Variants in DMD observed in about 807,000 individuals in gnomAD.
DMD encodes the protein dystrophin, also known as mutant dystrophin.
A neutral mutation model predicts 330.1 loss-of-function variants in DMD; 63 were observed. The observed-to-expected ratio is 0.19, with a 90% CI of 0.16 to 0.24. The LOEUF (loss-of-function observed/expected upper bound fraction) is 0.24. Among genes scored for constraint, DMD ranks in the 10% least tolerant of loss-of-function variants. DMD has a pLI of 1.00. For missense variants in DMD, 3,344 were observed against 2,684.1 expected, an observed-to-expected ratio of 1.25 and a Z score of -5.43; for synonymous variants, 1,223 against 959.8, an observed-to-expected ratio of 1.27 and a Z score of -5.07.
At chrX:31,867,267 T>C (rs1274096067) in intron 48 of DMD, among the ~76,000 whole-genome samples, 3 of 109,908 alleles carry the variant, frequency 2.7e-5, no homozygotes, top group East Asian at 5.7e-4. Context: ...CTTATCAGAA[T>C]AAGTACCTGT....
At chrX:33,191,075 G>A (rs766094348) in intron 1 of DMD, among the ~76,000 whole-genome samples, 4 of 84,571 alleles carry the variant, frequency 4.7e-5, no homozygotes, top group Non-Finnish European at 9.3e-5. Flanking sequence ...TTGATGATTT[G>A]CTCTCTACTA....
chrX:31,336,417 C>G (rs1245257591), intron 61 of DMD, among the ~76,000 whole-genome samples: 1 of 112,085 alleles, frequency 8.9e-6, no homozygotes, highest in Non-Finnish European at 1.9e-5. Flanking sequence ...GTGATCCCAC[C>G]ATTTCTGTTG....
At position 31,932,177 on chromosome X, in the gene DMD, T is replaced by G. The variant is rs1180468756; in HGVS notation, c.6665A>C (p.Glu2222Ala). 5 of 1,189,008 alleles carry G rather than the reference T, an allele frequency of 4.2e-6. No individual in the cohort carries two copies. In the African/African-American group the frequency reaches 7.0e-5, roughly 17 times the overall value. ...TGCTTCCTCCAACCATAAAACAAAT[T>G]CATTTAAATCTCTTTGAAATTCTGA... ...ILSEFQRDLN[E>A]FVLWLEEADN... is the part of the protein sequence containing the mutation. The change falls in exon 46 of 79, where the codon GAA becomes GCA. Residue 2222 changes from glutamate (E) to alanine (A), a missense_variant. By Grantham distance (107) the Glu-to-Ala change is moderately radical (BLOSUM62 -1). Transcript: ENST00000357033.
intron 7 of DMD, among the ~76,000 whole-genome samples, chrX:32,788,363 A>T (rs1010285960): frequency 9.0e-6 from 1 of 111,609 alleles, no homozygotes; most frequent in African/African-American, 3.3e-5. Context: ...CATGTCAAGT[A>T]AACCACACTG....
intron 7 of DMD, among the ~76,000 whole-genome samples, chrX:32,731,882 C>T (rs2067717832): frequency 1.8e-5 from 2 of 112,163 alleles, no homozygotes; most frequent in Admixed American, 1.9e-4. Flanking sequence ...AACACAGTTC[C>T]TCACTAGCAA....
At chrX:32,453,527 A>C (rs914167966) in intron 26 of DMD, among the ~76,000 whole-genome samples, 1 of 111,151 alleles carries the variant, frequency 9.0e-6, no homozygotes, top group African/African-American at 3.3e-5. Flanking sequence ...TAACTATAAT[A>C]GATATTTCTG....
At chrX:32,416,845 T>C (rs2147984927) in intron 29 of DMD, among the ~76,000 whole-genome samples, 1 of 111,696 alleles carries the variant, frequency 9.0e-6, no homozygotes, top group African/African-American at 3.3e-5. Context: ...AGTCAAGTTT[T>C]CTTTCCCAGA....
At chrX:31,504,507 T>C (rs1407223612) in intron 56 of DMD, among the ~76,000 whole-genome samples, 1 of 112,101 alleles carries the variant, frequency 8.9e-6, no homozygotes, top group African/African-American at 3.2e-5. Context: ...CAGGCCTATT[T>C]TTCCAGTATA....
chrX:31,315,931 CAGA>C (rs1343896268), intron 62 of DMD, among the ~76,000 whole-genome samples: 1 of 112,056 alleles, frequency 8.9e-6, no homozygotes, highest in Non-Finnish European at 1.9e-5. Context: ...ACTAGAAAAC[CAGA>C]AGAAGCCTCA....
At position 32,823,884 on chromosome X, in the gene DMD, T is replaced by C. The variant is rs750035261; in HGVS notation, c.265-497A>G. Reference sequence around the variant, plus strand: ...AGGACTGTGTTTGGAAATGAAAATCTGGCAGGGTTTTATTTGCCTTAATCA... The same window carrying C: ...AGGACTGTGTTTGGAAATGAAAATCCGGCAGGGTTTTATTTGCCTTAATCA... On this transcript the variant is annotated intron_variant, in intron 4 of 78. Transcript: ENST00000357033. Among the ~76,000 whole-genome samples the C allele has an allele frequency of 5.4e-5, 6 of 111,651 alleles. No homozygotes were observed. In the South Asian group the frequency reaches 2.2e-3, roughly 42 times the overall value.
chrX:31,718,957 A>G (rs998046088), intron 52 of DMD, among the ~76,000 whole-genome samples: 2 of 111,691 alleles, frequency 1.8e-5, no homozygotes, highest in Admixed American at 9.5e-5. Flanking sequence ...CATGGGTCCC[A>G]CTGTCACTAA....
intron 2 of DMD, among the ~76,000 whole-genome samples, chrX:33,011,916 T>C (rs1452203873): frequency 8.9e-6 from 1 of 111,743 alleles, no homozygotes; most frequent in Non-Finnish European, 1.9e-5. Flanking sequence ...TATTTACATA[T>C]GCAAGCTAAA....
intron 47 of DMD, among the ~76,000 whole-genome samples, chrX:31,875,861 A>C (rs1221381300): frequency 8.9e-6 from 1 of 112,354 alleles, no homozygotes; most frequent in Non-Finnish European, 1.9e-5. Flanking sequence ...CGCATCCTAA[A>C]ATTAAAACCA....
intron 1 of DMD, among the ~76,000 whole-genome samples, chrX:33,185,550 CATCT>C (rs980800377): frequency 1.9e-4 from 21 of 111,766 alleles, no homozygotes; most frequent in African/African-American, 6.5e-4. Context: ...CTTCAACTAT[CATCT>C]ATCTCCATGT....
Position 32,775,185 on chromosome X carries a change from T to C in DMD, c.649+34308A>G, listed in dbSNP as rs182563127. On this transcript the variant is annotated intron_variant, in intron 7 of 78. Coordinates refer to ENST00000357033, the MANE Select transcript of DMD (RefSeq NM_004006.3). ...CCATGACCTTGGACAGCTCCACGCC[T>C]GTGGCTCTGCAGAGCACAGCCCCCA... is the stretch of plus-strand genomic sequence containing the variant. Among the ~76,000 whole-genome samples the C allele has an allele frequency of 2.1e-3, 238 of 112,887 alleles. 1 individual carries two copies. Among genetic ancestry groups the C allele is most frequent in the African/African-American group, 7.5e-3 (232 of 31,124 alleles).
At chrX:32,544,100 G>A (rs1414076796) in intron 17 of DMD, among the ~76,000 whole-genome samples, 1 of 111,763 alleles carries the variant, frequency 8.9e-6, no homozygotes, top group Non-Finnish European at 1.9e-5. Flanking sequence ...GCTAAATTTG[G>A]TTAGCAGGTC....
chrX:31,374,526 C>T (rs1017524341), intron 60 of DMD, among the ~76,000 whole-genome samples: 2 of 108,145 alleles, frequency 1.8e-5, no homozygotes, highest in African/African-American at 6.7e-5. Flanking sequence ...TTTGTAGGGA[C>T]ATGGATGAAA....
At chrX:31,662,912 A>C (rs1222615548) in intron 53 of DMD, among the ~76,000 whole-genome samples, 1 of 111,838 alleles carries the variant, frequency 8.9e-6, no homozygotes, top group Non-Finnish European at 1.9e-5. Context: ...CTGTATTTAC[A>C]TTCATGAACC....
At chrX:33,178,442 C>T (rs2049796661) in intron 1 of DMD, among the ~76,000 whole-genome samples, 1 of 111,988 alleles carries the variant, frequency 8.9e-6, no homozygotes, top group South Asian at 3.7e-4. Context: ...ATCTCTCTTA[C>T]TTAACACACT....
Sources: gnomAD v4.1 joint callset for allele counts (sites outside exome capture counted in the v4.1 genomes callset) on GRCh38, gnomAD v4.1.1 for gene constraint, MANE v1.5 for transcripts, NCBI Gene and HGNC (gene_info 2026-07-23, HGNC 2026-07-21) for gene names.